Variants in DOCK4 observed in about 807,000 individuals in gnomAD.
DOCK4 encodes the protein dedicator of cytokinesis 4, also known as dedicator of cytokinesis protein 4.
Under a neutral mutation model 268.1 loss-of-function variants are expected in DOCK4, and 97 were observed. The observed-to-expected ratio is 0.36, with a 90% CI of 0.31 to 0.43. DOCK4 has a LOEUF of 0.43. Among genes scored for constraint, DOCK4 ranks in the 20% least tolerant of loss-of-function variants. DOCK4 has a pLI of 1.00. For missense variants in DOCK4, 2,145 were observed against 2,455.7 expected (o/e 0.87, Z 2.67); for synonymous variants, 954 against 887.2 (o/e 1.08, Z -1.34).
chr7:111,741,586 G>T lies in DOCK4; in HGVS notation c.4873C>A (p.Pro1625Thr). The change falls in exon 46 of 53, where the codon CCT (proline) becomes ACT (threonine). Residue 1625 changes from proline (P) to threonine (T), a missense_variant. By Grantham distance (38) the Pro-to-Thr change is conservative. Coordinates refer to ENST00000428084, the MANE Select transcript of DOCK4 (RefSeq NM_001363540.2). ...GSPRVCRNSAPASVSPDGTRV... is the reference protein window; with the variant it reads ...GSPRVCRNSATASVSPDGTRV... Reference sequence around the variant, plus strand: ...GTACCATCTGGGCTCACAGAAGCAGGTGCTGAGTTTCTACACACACGAGGG... The same window carrying T: ...GTACCATCTGGGCTCACAGAAGCAGTTGCTGAGTTTCTACACACACGAGGG... 1 of 1,613,638 alleles carries T rather than the reference G, an allele frequency of 6.2e-7. No individual in the cohort carries two copies. The highest frequency in any genetic ancestry group is 2.2e-5 in the East Asian group (1 of 44,866).
chr7:111,887,043 T>C (rs1474117730), intron 16 of DOCK4, among the ~76,000 whole-genome samples: 1 of 152,206 alleles, frequency 6.6e-6, no homozygotes, highest in Non-Finnish European at 1.5e-5. Context: ...TACCCCCAAA[T>C]CTCTTGAATA....
intron 30 of DOCK4, among the ~76,000 whole-genome samples, chr7:111,791,096 AT>A (rs1179383882): frequency 9.1e-5 from 13 of 142,526 alleles, no homozygotes; most frequent in African/African-American, 1.6e-4. Context: ...ATATATATAT[AT>A]ATAAAATAAA....
chr7:111,983,026 T>A (rs780857298), intron 7 of DOCK4, among the ~76,000 whole-genome samples: 25 of 152,162 alleles, frequency 1.6e-4, no homozygotes, highest in Non-Finnish European at 2.2e-4. Flanking sequence ...TCTCCCTACA[T>A]GCCAGATACT....
chr7:111,735,122 T>A lies in DOCK4; in HGVS notation c.5351A>T (p.Glu1784Val). The change falls in exon 51 of 53, where the codon GAA becomes GTA. Residue 1784 changes from glutamate to valine, a missense_variant. Physicochemically the swap from Glu to Val is moderately radical, Grantham distance 121 (BLOSUM62 -2). Coordinates refer to ENST00000428084, the MANE Select transcript of DOCK4 (RefSeq NM_001363540.2). Reference sequence around the variant, plus strand: ...CCCACTATCCGACATGTTCTTGGCTTCCTTCCCACTGTCCAGGCTCCAGCT... The same window carrying A: ...CCCACTATCCGACATGTTCTTGGCTACCTTCCCACTGTCCAGGCTCCAGCT... The part of the protein sequence containing the change: ...PSSWSLDSGK[E>V]AKNMSDSGKL... 6.2e-7 allele frequency: 1 copy of A among 1,600,532 alleles called. No homozygotes were observed. Among genetic ancestry groups the A allele is most frequent in the Non-Finnish European group, 8.5e-7 (1 of 1,173,336 alleles).
At chr7:111,874,218 T>A (rs1230741485) in intron 17 of DOCK4, among the ~76,000 whole-genome samples, 1 of 152,030 alleles carries the variant, frequency 6.6e-6, no homozygotes, top group Non-Finnish European at 1.5e-5. Context: ...TCCACCCCCA[T>A]CCCAGCTCTC....
rs1562997113 is a variant in DOCK4 at position 112,018,164 on chromosome 7, A to ACAAAAC, written c.38-14034_38-14033insGTTTTG. On this transcript the variant is annotated intron_variant, in intron 1 of 52. Transcript: ENST00000428084. Reference sequence around the variant, plus strand: ...AGCTCAAAAAAAAAAAAAAAAAAAAAAAAAAAAAAAAAAAAACACAGGCAA... The same window carrying ACAAAAC: ...AGCTCAAAAAAAAAAAAAAAAAAAAACAAAACAAAAAAAAAAAAAAAACACAGGCAA... Among the ~76,000 whole-genome samples the ACAAAAC allele has an allele frequency of 3.6e-4, 51 of 141,802 alleles. 2 individuals carry two copies. The highest frequency in any genetic ancestry group is 1.3e-3 in the African/African-American group (47 of 37,442). 93.0% of individuals were successfully genotyped at this position (141,802 alleles called of 152,430 possible). A position where few individuals can be genotyped will look rare whatever the true frequency, so the allele number is the denominator to read the frequency against.
At chr7:111,914,400 A>G (rs1407429211) in intron 13 of DOCK4, among the ~76,000 whole-genome samples, 2 of 151,936 alleles carry the variant, frequency 1.3e-5, no homozygotes, top group African/African-American at 4.8e-5. Context: ...TCTGTTCCAA[A>G]CCCTCTAGCT....
At chr7:111,974,415 T>C (rs1219104865) in intron 8 of DOCK4, among the ~76,000 whole-genome samples, 2 of 151,210 alleles carry the variant, frequency 1.3e-5, no homozygotes, top group Admixed American at 1.3e-4. Context: ...ACCAAATGCA[T>C]TGAGGAGAAG....
At chr7:112,189,813 C>T (rs1204840247) in intron 1 of DOCK4, among the ~76,000 whole-genome samples, 3 of 130,268 alleles carry the variant, frequency 2.3e-5, no homozygotes, top group Non-Finnish European at 3.1e-5. Context: ...AACTCCTGGG[C>T]GCAAGCAATC....
chr7:111,886,688 C>T lies in DOCK4; in HGVS notation c.1587+8924G>A, dbSNP rs1028262640. On this transcript the variant is annotated intron_variant, in intron 16 of 52. Coordinates refer to ENST00000428084, the MANE Select transcript of DOCK4 (RefSeq NM_001363540.2). ...ACACACGTATGAGACTATGGGGACA[C>T]GACCATTCAACGCAATGTGGGATCT... Among the ~76,000 whole-genome samples, 8 of 152,188 alleles carry T rather than the reference C, an allele frequency of 5.3e-5. 1 individual carries two copies. Among genetic ancestry groups the T allele is most frequent in the African/African-American group, 1.2e-4 (5 of 41,526 alleles).
intron 1 of DOCK4, among the ~76,000 whole-genome samples, chr7:112,103,746 G>C (rs1810894928): frequency 6.6e-6 from 1 of 152,106 alleles, no homozygotes; most frequent in Admixed American, 6.5e-5. Flanking sequence ...GCCAGGCATG[G>C]TGGCGCATGC....
At chr7:111,941,249 A>C (rs1242342552) in intron 10 of DOCK4, among the ~76,000 whole-genome samples, 2 of 152,242 alleles carry the variant, frequency 1.3e-5, no homozygotes, top group Non-Finnish European at 2.9e-5. Context: ...AGAATTTAAA[A>C]TATCAGGTTG....
At chr7:112,178,431 A>G (rs1818710282) in intron 1 of DOCK4, among the ~76,000 whole-genome samples, 1 of 152,188 alleles carries the variant, frequency 6.6e-6, no homozygotes. Flanking sequence ...AGACCAAAAA[A>G]ATCATCGGTA....
At position 111,945,790 on chromosome 7, in the gene DOCK4, A is replaced by C; in HGVS notation, c.710T>G (p.Phe237Cys). ...SKENRPISER[F>C]FLRLNRNGLP... ...CCCGTTTCTATTCAGCCTCAAGAAA[A>C]ATCTCTCACTACAAGAGAAAAAATG... is the stretch of plus-strand genomic sequence containing the variant. Residue 237 changes from phenylalanine (F) to cysteine (C), a missense_variant, in exon 9 of 53, where the codon TTT (phenylalanine) becomes TGT (cysteine). This residue lies in a region of DOCK4 where 1,598 missense variants were observed against 1,986.7 expected (regional missense o/e 0.80). Transcript: ENST00000428084. 6.3e-7 allele frequency: 1 copy of C among 1,587,204 alleles called. No homozygotes were observed. The highest frequency in any genetic ancestry group is 8.6e-7 in the Non-Finnish European group (1 of 1,166,128).
chr7:111,799,464 C>A (rs1007510127), intron 30 of DOCK4, among the ~76,000 whole-genome samples: 5 of 152,086 alleles, frequency 3.3e-5, no homozygotes, highest in Non-Finnish European at 7.4e-5. Context: ...TCTCTCCTTC[C>A]ATAAGCCAAG....
At chr7:112,162,288 C>T (rs1038602807) in intron 1 of DOCK4, among the ~76,000 whole-genome samples, 11 of 152,044 alleles carry the variant, frequency 7.2e-5, no homozygotes, top group Non-Finnish European at 1.3e-4. Context: ...CAGAGCCTCC[C>T]CTCCTCCACT....
At chr7:112,026,524 C>T (rs1802804380) in intron 1 of DOCK4, among the ~76,000 whole-genome samples, 1 of 152,228 alleles carries the variant, frequency 6.6e-6, no homozygotes, top group Non-Finnish European at 1.5e-5. Flanking sequence ...TACATCCAGT[C>T]TGCCACCTAT....
chr7:112,051,777 C>T (rs970126797), intron 1 of DOCK4, among the ~76,000 whole-genome samples: 2 of 152,012 alleles, frequency 1.3e-5, no homozygotes, highest in African/African-American at 4.8e-5. Flanking sequence ...AATATTCAGG[C>T]ATTTTAAAAA....
intron 17 of DOCK4, 125 bp downstream of exon 17, chr7:111,876,905 C>A (rs1239096749): frequency 3.2e-6 from 3 of 947,228 alleles, no homozygotes; most frequent in Non-Finnish European, 4.2e-6. Flanking sequence ...CTAGAAATCA[C>A]AAATGGAAGG....
Sources: allele counts gnomAD v4.1 joint callset (sites outside exome capture counted in the v4.1 genomes callset), GRCh38; gene constraint gnomAD v4.1.1; regional missense constraint gnomAD v4.1.1; transcripts MANE v1.5; gene names NCBI Gene and HGNC (gene_info 2026-07-23, HGNC 2026-07-21).